FAM53A: variants seen among roughly 807,000 people sequenced by gnomAD.
FAM53A encodes protein FAM53A.
FAM53A carries 28 observed loss-of-function variants against 26.6 expected under a neutral mutation model. That is an observed-to-expected ratio of 1.05 (90% CI 0.78 to 1.45). The LOEUF is 1.45. Ranked by LOEUF, FAM53A falls within the 40% of genes most tolerant of loss-of-function variation. FAM53A has a pLI of 0.00. For synonymous variants in FAM53A, 290 were observed against 253.1 expected (o/e 1.15, Z -1.38); for missense variants, 650 against 575.8 (o/e 1.13, Z -1.32).
the FAM53A span, among the ~76,000 whole-genome samples, chr4:1,600,286 G>A: frequency 5.9e-5 from 9 of 152,144 alleles, no homozygotes; most frequent in Admixed American, 1.3e-4. Flanking sequence ...GTTGGGGCAC[G>A]CAGGGGCTGG....
Position 1,630,369 on chromosome 4 carries a change from C to T in FAM53A, c.432-12258G>A, listed in dbSNP as rs1486818673. On this transcript the variant is annotated intron_variant, in intron 1 of 1. Coordinates refer to the FAM53A transcript ENST00000489029. The surrounding 1 kb of genome is among the most constrained non-coding windows in gnomAD (Gnocchi z 4.3). ...TCTGCCACTGCAGCCGAAACAGCCA[C>T]AGCCAAGGTCTACACAAATGCACGT... Among the ~76,000 whole-genome samples the T allele has an allele frequency of 2.0e-5, 3 of 152,252 alleles. No individual in the cohort carries two copies. The highest frequency in any genetic ancestry group is 4.8e-5 in the African/African-American group (2 of 41,474).
the FAM53A span, among the ~76,000 whole-genome samples, chr4:1,607,809 G>C: frequency 2.0e-5 from 3 of 152,146 alleles, no homozygotes; most frequent in South Asian, 6.2e-4. Flanking sequence ...GCGTGGAGGC[G>C]TGTGCCTGTA....
intron 4 of FAM53A, chr4:1,644,495 T>A: frequency 9.9e-7 from 1 of 1,011,938 alleles, no homozygotes; most frequent in Non-Finnish European, 1.4e-6. Flanking sequence ...ACCCACGCTG[T>A]AGAGACGGTG....
chr4:1,592,385 C>T, the FAM53A span, among the ~76,000 whole-genome samples: 2 of 152,082 alleles, frequency 1.3e-5, no homozygotes, highest in African/African-American at 2.4e-5. Context: ...GGCGCGAGGC[C>T]GAGACCACAC....
intron 1 of FAM53A, among the ~76,000 whole-genome samples, chr4:1,624,573 C>T (rs1008014007): frequency 1.4e-4 from 21 of 152,188 alleles, no homozygotes; most frequent in Non-Finnish European, 2.6e-4. Context: ...CCCACTCAGC[C>T]CCTCTGGAGA....
At chr4:1,636,548 C>G (rs915099913), downstream of FAM53A, among the ~76,000 whole-genome samples, 1 of 152,254 alleles carries the variant, frequency 6.6e-6, no homozygotes, top group Non-Finnish European at 1.5e-5. Context: ...CCTGCGCTCT[C>G]CACCTGAGCC....
chr4:1,578,876 AG>A, the FAM53A span, among the ~76,000 whole-genome samples: 2 of 29,422 alleles, frequency 6.8e-5, no homozygotes, highest in African/African-American at 1.6e-4. Flanking sequence ...GGGAGAGAAG[AG>A]GGGGAGGGGA....
the FAM53A span, among the ~76,000 whole-genome samples, chr4:1,593,062 G>A: frequency 8.5e-5 from 13 of 152,248 alleles, no homozygotes; most frequent in African/African-American, 2.2e-4. Flanking sequence ...TGCGGAGCAC[G>A]AGCGGGCGCA....
intron 1 of FAM53A, among the ~76,000 whole-genome samples, chr4:1,621,100 A>AC (rs1560106142): frequency 1.3e-5 from 1 of 77,262 alleles, no homozygotes; most frequent in East Asian, 3.7e-4. Context: ...CAGCTACGCT[A>AC]CTTTTTTTTT....
At chr4:1,576,370 A>G in the FAM53A span, among the ~76,000 whole-genome samples, 1 of 152,200 alleles carries the variant, frequency 6.6e-6, no homozygotes, top group Non-Finnish European at 1.5e-5. Context: ...CGCGGGCTAA[A>G]TTATTCCATA....
At chr4:1,618,159 T>G (rs1714878043) in intron 1 of FAM53A, 1 of 456,022 alleles carries the variant, frequency 2.2e-6, no homozygotes, top group African/African-American at 2.0e-5. Context: ...GGGGAAGAAG[T>G]AGAACCAGAA....
intron 4 of FAM53A, among the ~76,000 whole-genome samples, chr4:1,650,791 C>T (rs1196061572): frequency 4.0e-5 from 6 of 151,446 alleles, no homozygotes; most frequent in African/African-American, 7.3e-5. Context: ...CCAGTACACC[C>T]GGCGGGTTTT....
At chr4:1,588,514 A>G in the FAM53A span, among the ~76,000 whole-genome samples, 1 of 152,110 alleles carries the variant, frequency 6.6e-6, no homozygotes, top group Non-Finnish European at 1.5e-5. Flanking sequence ...GGGTGGGGGC[A>G]CCTGCTGTGT....
At chr4:1,682,524 G>A (rs1715520740) in intron 1 of FAM53A, among the ~76,000 whole-genome samples, 1 of 152,066 alleles carries the variant, frequency 6.6e-6, no homozygotes, top group Non-Finnish European at 1.5e-5. Flanking sequence ...GCCTCTCAAA[G>A]TGCTGGGATT....
rs77443913 is a variant in FAM53A at position 1,640,334 on chromosome 4, C to T, written c.*959G>A. On this transcript the variant is annotated 3_prime_UTR_variant, in exon 5 of 5. Transcript: ENST00000308132. ...TGCGCAAGCCCCAAGCACCGTGACC[C>T]GTCGGGAGGGGGGGACACACGGGGC... 0.028 allele frequency: 6,027 copies of T among 217,784 alleles called. 119 individuals carry two copies. The highest frequency in any genetic ancestry group is 0.042 in the Non-Finnish European group (4,751 of 111,796). 13.5% of individuals were successfully genotyped at this position (217,784 alleles called of 1,614,324 possible).
intron 1 of FAM53A, among the ~76,000 whole-genome samples, chr4:1,625,059 C>T (rs1474835294): frequency 1.5e-5 from 2 of 131,178 alleles, no homozygotes; most frequent in African/African-American, 3.3e-5. Context: ...GAAGGCCCCA[C>T]GTCCCGGCCC....
At chr4:1,590,079 T>C in the FAM53A span, among the ~76,000 whole-genome samples, 1 of 152,216 alleles carries the variant, frequency 6.6e-6, no homozygotes, top group Non-Finnish European at 1.5e-5. Flanking sequence ...TCACAGCTCC[T>C]GACACACAGA....
chr4:1,649,431 G>A (rs988206331), intron 4 of FAM53A, among the ~76,000 whole-genome samples: 1 of 152,238 alleles, frequency 6.6e-6, no homozygotes, highest in Admixed American at 6.5e-5. Context: ...TTACGGAGAA[G>A]AGCGGTTTTG....
At chr4:1,591,452 A>G in the FAM53A span, among the ~76,000 whole-genome samples, 1 of 152,182 alleles carries the variant, frequency 6.6e-6, no homozygotes, top group Non-Finnish European at 1.5e-5. Context: ...GCGCATGCAC[A>G]TGTACCCCAT....
Sources: allele counts gnomAD v4.1 joint callset (sites outside exome capture counted in the v4.1 genomes callset), GRCh38; gene constraint gnomAD v4.1.1; non-coding constraint Gnocchi (gnomAD v3.1); transcripts MANE v1.5; gene names NCBI Gene and HGNC (gene_info 2026-07-23, HGNC 2026-07-21).